Variants in DIS3L2 observed in about 807,000 individuals in gnomAD.
DIS3L2 encodes the protein DIS3 like 3'-5' exoribonuclease 2.
Under a neutral mutation model 97.5 loss-of-function variants are expected in DIS3L2, and 34 were observed. The observed-to-expected ratio is 0.35, with a 90% confidence interval of 0.27 to 0.46. The LOEUF (loss-of-function observed/expected upper bound fraction) is 0.46, where lower values mean the gene tolerates loss of function less well. Ranked by LOEUF, DIS3L2 falls within the 20% of genes least tolerant of loss-of-function variation. The pLI is 1.00. For synonymous variants in DIS3L2, 435 were observed against 445.2 expected (o/e 0.98, Z 0.29); for missense variants, 1,038 against 1,146.0 (o/e 0.91, Z 1.36).
intron 14 of DIS3L2, among the ~76,000 whole-genome samples, chr2:232,326,545 T>C (rs73002033): frequency 5.4e-4 from 79 of 146,752 alleles, no homozygotes; most frequent in East Asian, 2.6e-3. Context: ...CATCTGCTAC[T>C]TGCAGCATCA....
At chr2:232,106,753 TGATA>T (rs548408430) in intron 6 of DIS3L2, among the ~76,000 whole-genome samples, 5 of 152,222 alleles carry the variant, frequency 3.3e-5, no homozygotes, top group Non-Finnish European at 7.3e-5. Flanking sequence ...CAAGTGGACC[TGATA>T]GATAGATATC....
At chr2:231,962,757 A>T (rs1048704538) in intron 1 of DIS3L2, among the ~76,000 whole-genome samples, 1 of 152,064 alleles carries the variant, frequency 6.6e-6, no homozygotes, top group Non-Finnish European at 1.5e-5. Context: ...GTTTATGTCC[A>T]TGTGCGCTCA....
At chr2:232,327,278 C>G (rs560697328) in intron 14 of DIS3L2, among the ~76,000 whole-genome samples, 22 of 152,356 alleles carry the variant, frequency 1.4e-4, no homozygotes, top group African/African-American at 4.8e-4. Context: ...GTCATGCTGC[C>G]TCCTGCTGGC....
At chr2:232,044,240 T>C (rs981756878) in intron 5 of DIS3L2, among the ~76,000 whole-genome samples, 2 of 152,092 alleles carry the variant, frequency 1.3e-5, no homozygotes, top group Non-Finnish European at 2.9e-5. Context: ...TTAAATATCA[T>C]TGTGGTGGTA....
intron 10 of DIS3L2, among the ~76,000 whole-genome samples, chr2:232,214,650 C>T (rs543839559): frequency 6.6e-6 from 1 of 152,300 alleles, no homozygotes; most frequent in South Asian, 2.1e-4. Flanking sequence ...ATCCAGACTG[C>T]GCCTCCCTGG....
intron 12 of DIS3L2, among the ~76,000 whole-genome samples, chr2:232,250,876 G>A (rs1693398694): frequency 6.6e-6 from 1 of 151,990 alleles, no homozygotes; most frequent in South Asian, 2.1e-4. Flanking sequence ...GAATAGTGAG[G>A]AATAAAAACA....
chr2:232,192,698 A>T (rs1691648151), intron 9 of DIS3L2, among the ~76,000 whole-genome samples: 1 of 152,248 alleles, frequency 6.6e-6, no homozygotes, highest in Non-Finnish European at 1.5e-5. Context: ...GTCCTGTCGT[A>T]GCTTTCGATA....
At chr2:232,099,856 A>G (rs867254716) in intron 6 of DIS3L2, among the ~76,000 whole-genome samples, 18 of 152,254 alleles carry the variant, frequency 1.2e-4, no homozygotes, top group Middle Eastern at 6.8e-3. Flanking sequence ...AGATATTCCT[A>G]ATGCTCGTTA....
At chr2:232,205,771 CT>C (rs1692012364) in intron 9 of DIS3L2, among the ~76,000 whole-genome samples, 6 of 152,148 alleles carry the variant, frequency 3.9e-5, no homozygotes, top group African/African-American at 1.4e-4. Flanking sequence ...AAAAGGAAAA[CT>C]TTTTAAAGTT....
At chr2:232,332,084 G>A (rs995236483) in intron 16 of DIS3L2, among the ~76,000 whole-genome samples, 6 of 152,026 alleles carry the variant, frequency 3.9e-5, no homozygotes, top group African/African-American at 1.5e-4. Context: ...GGGATGGCTG[G>A]GCCTGTGGGA....
chr2:232,199,219 TCA>T (rs1231570597), intron 9 of DIS3L2, among the ~76,000 whole-genome samples: 1 of 152,224 alleles, frequency 6.6e-6, no homozygotes, highest in East Asian at 1.9e-4. Context: ...CTACAATTAT[TCA>T]CAGTTATAAA....
At chr2:232,086,659 A>ATATGTGTATATATATATGTGTG in intron 5 of DIS3L2, among the ~76,000 whole-genome samples, 1 of 92,510 alleles carries the variant, frequency 1.1e-5, no homozygotes, top group African/African-American at 4.4e-5. Flanking sequence ...ATATATATAT[A>ATATGTGTATATATATATGTGTG]TGTGTGTGTG....
chr2:231,983,370 T>G (rs1693314502), intron 1 of DIS3L2, among the ~76,000 whole-genome samples: 1 of 152,204 alleles, frequency 6.6e-6, no homozygotes, highest in African/African-American at 2.4e-5. Context: ...TGTTAGCCTG[T>G]GTTGGTGGCT....
intron 5 of DIS3L2, among the ~76,000 whole-genome samples, chr2:232,070,537 G>A (rs900208295): frequency 2.0e-5 from 3 of 151,370 alleles, no homozygotes; most frequent in Middle Eastern, 3.5e-3. Flanking sequence ...CTCACTCTTC[G>A]TTAGTGATTC....
intron 9 of DIS3L2, among the ~76,000 whole-genome samples, chr2:232,203,174 T>C (rs1480031969): frequency 6.6e-6 from 1 of 152,252 alleles, no homozygotes; most frequent in Non-Finnish European, 1.5e-5. Context: ...GAAAGTTTTA[T>C]TCTTTATCCA....
intron 12 of DIS3L2, among the ~76,000 whole-genome samples, chr2:232,250,036 C>T (rs1007284013): frequency 3.3e-5 from 5 of 152,074 alleles, no homozygotes; most frequent in African/African-American, 9.7e-5. Flanking sequence ...TCATAGGGAA[C>T]GGCAGGAGAG....
chr2:232,310,712 A>G (rs796845298), intron 14 of DIS3L2, among the ~76,000 whole-genome samples: 9 of 152,384 alleles, frequency 5.9e-5, no homozygotes, highest in African/African-American at 2.2e-4. Context: ...AGGACCATCC[A>G]GCAGGCTTCT....
chr2:232,327,777 G>A (rs1261308289), intron 14 of DIS3L2, among the ~76,000 whole-genome samples: 2 of 152,208 alleles, frequency 1.3e-5, no homozygotes, highest in African/African-American at 4.8e-5. Context: ...GAGACCCCCA[G>A]CTGGCCATGT....
intron 13 of DIS3L2, among the ~76,000 whole-genome samples, chr2:232,274,454 G>T (rs1317981267): frequency 6.6e-6 from 1 of 152,178 alleles, no homozygotes; most frequent in East Asian, 1.9e-4. Flanking sequence ...ATTAGGGAAG[G>T]GGAACCCTTG....
Sources: gnomAD v4.1 joint callset for allele counts (sites outside exome capture counted in the v4.1 genomes callset) on GRCh38, gnomAD v4.1.1 for gene constraint, MANE v1.5 for transcripts, NCBI Gene and HGNC (gene_info 2026-07-23, HGNC 2026-07-21) for gene names.